The following MON2 variants were observed in gnomAD, a reference collection of about 807,000 sequenced individuals.
MON2 encodes MON2 regulator of endosome-to-Golgi trafficking.
A neutral mutation model predicts 208.6 loss-of-function variants in MON2; 84 were observed. That is an observed-to-expected ratio of 0.40 (90% CI 0.34 to 0.48). MON2 has a LOEUF of 0.48. Ranked by LOEUF, MON2 falls within the 20% of genes least tolerant of loss-of-function variation. The pLI is 0.59. For missense variants in MON2, 1,611 were observed against 2,015.4 expected (o/e 0.80, Z 3.84); for synonymous variants, 660 against 694.0 (o/e 0.95, Z 0.77).
At chr12:62,478,162 G>A (rs1054484736) in intron 1 of MON2, among the ~76,000 whole-genome samples, 4 of 151,760 alleles carry the variant, frequency 2.6e-5, no homozygotes, top group African/African-American at 4.8e-5. Context: ...ATACCAACAA[G>A]TTTTTCTGGT....
At chr12:62,545,080 T>A in intron 21 of MON2, 72 bp downstream of exon 21, 3 of 964,188 alleles carry the variant, frequency 3.1e-6, no homozygotes, top group Non-Finnish European at 4.6e-6. Flanking sequence ...GATTTTTTTC[T>A]TATCAGGTAG....
Position 62,553,191 on chromosome 12 carries a change from T to C in MON2, c.3210+17T>C. 6.2e-7 allele frequency: 1 copy of C among 1,605,520 alleles called. No individual in the cohort carries two copies. Among genetic ancestry groups the C allele is most frequent in the South Asian group, 1.1e-5 (1 of 90,662 alleles). ...ATCTGGAAGGTATTGTAAAATAGAT[T>C]GGACTATCAGCTTTTAATGAGTCAT... On this transcript the variant is annotated intron_variant, in intron 24 of 34. Coordinates refer to ENST00000393630, the MANE Select transcript of MON2 (RefSeq NM_015026.3).
chr12:62,504,248 T>TTC (rs1392205552), intron 7 of MON2, among the ~76,000 whole-genome samples: 9 of 146,266 alleles, frequency 6.2e-5, no homozygotes, highest in Admixed American at 4.8e-4. Context: ...TTCTTTTCTT[T>TTC]TTTTTTTTTT....
chr12:62,487,783 A>G (rs2069885570), intron 2 of MON2, among the ~76,000 whole-genome samples: 1 of 152,162 alleles, frequency 6.6e-6, no homozygotes. Flanking sequence ...ATAATTATGT[A>G]AGAATCATTA....
At chr12:62,545,835 T>A (rs1410080929) in intron 21 of MON2, among the ~76,000 whole-genome samples, 2 of 152,230 alleles carry the variant, frequency 1.3e-5, no homozygotes, top group African/African-American at 4.8e-5. Flanking sequence ...TTATAGAGCT[T>A]ACATTTAATG....
At chr12:62,563,622 TA>T (rs1009701491) in intron 26 of MON2, among the ~76,000 whole-genome samples, 1 of 152,110 alleles carries the variant, frequency 6.6e-6, no homozygotes, top group African/African-American at 2.4e-5. Flanking sequence ...AACTTTTTCT[TA>T]GATGGAGTTT....
intron 1 of MON2, among the ~76,000 whole-genome samples, chr12:62,471,721 G>C (rs1443396375): frequency 6.6e-6 from 1 of 152,194 alleles, no homozygotes; most frequent in East Asian, 1.9e-4. Context: ...TAAAGAAAAA[G>C]GCTGCTGGGC....
At chr12:62,543,341 T>G (rs1013290999) in intron 20 of MON2, 143 bp downstream of exon 20, 1 of 427,582 alleles carries the variant, frequency 2.3e-6, no homozygotes, top group East Asian at 3.7e-5. Flanking sequence ...TTTGTACATT[T>G]TATCAAGGAC....
chr12:62,565,242 T>C lies in MON2; in HGVS notation c.4038T>C (p.Ile1346=), dbSNP rs2074336973. ...TTCTTATTTTGCTTTTATAGGCCAT[T>C]TGTGTAGGACCAGAAAACATGCAGA... ...LTALDVLQKA[I]CVGPENMQIM... The change falls in exon 27 of 35, where the codon ATT becomes ATC. Residue 1346 remains isoleucine (I), a synonymous_variant. Transcript: ENST00000393630. 6.2e-7 allele frequency: 1 copy of C among 1,612,108 alleles called. No homozygotes were observed. Among genetic ancestry groups the C allele is most frequent in the African/African-American group, 1.3e-5 (1 of 74,934 alleles).
intron 11 of MON2, among the ~76,000 whole-genome samples, chr12:62,529,002 C>T (rs1188478309): frequency 1.3e-5 from 2 of 152,086 alleles, no homozygotes; most frequent in Admixed American, 1.3e-4. Flanking sequence ...TCCTCTTTCT[C>T]CTCCCACCCT....
chr12:62,555,087 C>T (rs559702962), intron 24 of MON2, among the ~76,000 whole-genome samples: 2 of 152,162 alleles, frequency 1.3e-5, no homozygotes, highest in Non-Finnish European at 2.9e-5. Flanking sequence ...TGAGCCACTG[C>T]GCCTGGCCAG....
chr12:62,510,192 G>A (rs2071322821), intron 8 of MON2, among the ~76,000 whole-genome samples: 1 of 152,066 alleles, frequency 6.6e-6, no homozygotes, highest in Admixed American at 6.6e-5. Context: ...AAAAGTGCAA[G>A]AACAGATGAC....
rs544853040 is a variant in MON2, at chr12:62,469,113, G to A, written c.111+1795G>A. 8.1e-4 allele frequency among the ~76,000 whole-genome samples: 91 copies of A among 111,762 alleles called. 3 individuals carry two copies. The East Asian group carries it at 0.015, about 19-fold the overall frequency. The allele number at this position is 111,762 out of a possible 152,430, so 73.3% of individuals were successfully genotyped here. ...TACCACCACGACAGGCTAATTTTTC[G>A]CCTTTTTTTTTTTTTTTTTTGTAGA... is the stretch of plus-strand genomic sequence containing the variant. On this transcript the variant is annotated intron_variant, in intron 1 of 34. Transcript: ENST00000393630.
In MON2 at chr12:62,592,732, C is replaced by T. The variant is rs925715120; in HGVS notation, c.5137C>T (p.Gln1713Ter). Reference protein sequence around the residue: ...DFMQPPASRVQNGES With the variant: ...DFMQPPASRV ...CATGCAGCCACCAGCATCCAGAGTTCAAAATGGAGAATCTTGACCGGCTAC... is the reference window on the plus strand; with the variant it reads ...CATGCAGCCACCAGCATCCAGAGTTTAAAATGGAGAATCTTGACCGGCTAC... Residue 1713 changes from glutamine (Q) to a stop codon, truncating the protein, a stop_gained, in exon 35 of 35, where the codon CAA (glutamine) becomes TAA (stop). Transcript: ENST00000393630. LOFTEE classifies it high-confidence loss of function. 6.3e-7 allele frequency: 1 copy of T among 1,594,438 alleles called. No individual in the cohort carries two copies. The highest frequency in any genetic ancestry group is 1.3e-5 in the African/African-American group (1 of 74,726).
intron 8 of MON2, among the ~76,000 whole-genome samples, chr12:62,516,003 A>T (rs1374309346): frequency 6.6e-6 from 1 of 152,194 alleles, no homozygotes; most frequent in Non-Finnish European, 1.5e-5. Flanking sequence ...GATTGCCAAG[A>T]TTTAGTAGCA....
Position 62,498,907 on chromosome 12 carries a change from T to C in MON2, c.436-12T>C. 6.3e-7 allele frequency: 1 copy of C among 1,585,592 alleles called. No homozygotes were observed. The highest frequency in any genetic ancestry group is 8.6e-7 in the Non-Finnish European group (1 of 1,168,204). On this transcript the variant is annotated splice_polypyrimidine_tract_variant and intron_variant, in intron 4 of 34. Transcript: ENST00000393630. The stretch of plus-strand genomic sequence containing the variant: ...AATCTTATTTCACACTAAATGAAAA[T>C]TGTGTTTTCAGGCAATCGTTCTTTG...
At chr12:62,553,966 C>G (rs569147921) in intron 24 of MON2, among the ~76,000 whole-genome samples, 29 of 152,288 alleles carry the variant, frequency 1.9e-4, no homozygotes, top group East Asian at 9.6e-4. Context: ...GCAGGATCAC[C>G]TGAGGTCAGG....
At chr12:62,580,557 T>C in intron 32 of MON2, 137 bp downstream of exon 32, 1 of 666,878 alleles carries the variant, frequency 1.5e-6, no homozygotes, top group South Asian at 2.2e-5. Flanking sequence ...AATATAGAAC[T>C]AAGCTTTATG....
At chr12:62,497,177 G>C (rs1404663243) in intron 4 of MON2, among the ~76,000 whole-genome samples, 1 of 122,836 alleles carries the variant, frequency 8.1e-6, no homozygotes, top group Non-Finnish European at 1.7e-5. Context: ...GGAGGGGGGA[G>C]GGGGGAGGGA....
Sources: gnomAD v4.1 joint callset for allele counts (sites outside exome capture counted in the v4.1 genomes callset) on GRCh38, gnomAD v4.1.1 for gene constraint, MANE v1.5 for transcripts, NCBI Gene and HGNC (gene_info 2026-07-23, HGNC 2026-07-21) for gene names.